Variants in TMEM272 observed in about 807,000 individuals in gnomAD.
The protein encoded by TMEM272 is transmembrane protein 272.
A neutral mutation model predicts 3.7 loss-of-function variants in TMEM272; 8 were observed. That is an observed-to-expected ratio of 2.17 (90% CI 1.27 to 3.91). The LOEUF (loss-of-function observed/expected upper bound fraction) is 3.91, where lower values mean the gene tolerates loss of function less well. TMEM272 is among the 30% of genes most tolerant of loss of function. The pLI is 0.00. For synonymous variants in TMEM272, 63 were observed against 39.8 expected (o/e 1.58, Z -2.20); for missense variants, 166 against 91.5 (o/e 1.81, Z -3.32).
At chr13:51,835,419 G>C (rs1956208445) in intron 2 of TMEM272, among the ~76,000 whole-genome samples, 1 of 151,830 alleles carries the variant, frequency 6.6e-6, no homozygotes, top group Admixed American at 6.6e-5. Flanking sequence ...CTAGAGACGG[G>C]GTTTCACCAT....
At chr13:51,826,135 C>T (rs960365190) in intron 3 of TMEM272, among the ~76,000 whole-genome samples, 1 of 85,068 alleles carries the variant, frequency 1.2e-5, no homozygotes, top group African/African-American at 6.4e-5. Context: ...CTCATTCATT[C>T]AGCAAAAAAA....
rs1167115022 is a variant in TMEM272, at chr13:51,826,014, T to C, written c.118+552A>G. Reference sequence around the variant, plus strand: ...AATTTCACTGACACGTGATAACAATTTTTAGCTACTTAAGGAGCTTCCCCC... The same window carrying C: ...AATTTCACTGACACGTGATAACAATCTTTAGCTACTTAAGGAGCTTCCCCC... On this transcript the variant is annotated intron_variant, in intron 3 of 4. Coordinates refer to ENST00000629372, the MANE Select transcript of TMEM272 (RefSeq NM_001351003.2). 6.6e-5 allele frequency among the ~76,000 whole-genome samples: 10 copies of C among 152,086 alleles called. No homozygotes were observed. The South Asian group carries it at 1.0e-3, about 16-fold the overall frequency.
At chr13:51,863,925 T>G in the TMEM272 span, among the ~76,000 whole-genome samples, 1 of 152,306 alleles carries the variant, frequency 6.6e-6, no homozygotes, top group African/African-American at 2.4e-5. Context: ...CTGACAACAC[T>G]GAGCTCTTTA....
chr13:51,869,783 T>C, the TMEM272 span, among the ~76,000 whole-genome samples: 2 of 152,150 alleles, frequency 1.3e-5, no homozygotes, highest in Non-Finnish European at 2.9e-5. Context: ...CCACCGCGCC[T>C]GGCCTCAATT....
the TMEM272 span, among the ~76,000 whole-genome samples, chr13:51,861,445 C>T: frequency 0.86 from 130,993 of 151,916 alleles, 58,001 homozygotes; most frequent in East Asian, 1. Context: ...GACAAAAATT[C>T]TGGAGTTGAA....
chr13:51,857,294 T>TTCA, the TMEM272 span, among the ~76,000 whole-genome samples: 3 of 151,498 alleles, frequency 2.0e-5, no homozygotes, highest in African/African-American at 7.3e-5. Flanking sequence ...AGTGAGAGAT[T>TTCA]TCATCACAAG....
At chr13:51,910,731 A>C in the TMEM272 span, 1 of 379,234 alleles carries the variant, frequency 2.6e-6, no homozygotes, top group South Asian at 2.2e-5. Flanking sequence ...TGCGCCAGGC[A>C]ACCGGAGCGG....
chr13:51,896,088 T>G, the TMEM272 span, among the ~76,000 whole-genome samples: 1 of 152,174 alleles, frequency 6.6e-6, no homozygotes, highest in Non-Finnish European at 1.5e-5. Context: ...ATTCTATTAG[T>G]GTTCAGCAAA....
chr13:51,900,219 G>A, the TMEM272 span, among the ~76,000 whole-genome samples: 1 of 152,146 alleles, frequency 6.6e-6, no homozygotes, highest in East Asian at 1.9e-4. Context: ...CCACAAAATG[G>A]GAGAAGATAC....
At chr13:51,903,942 C>CGTGTTTGTGTGTGTGTGT in the TMEM272 span, among the ~76,000 whole-genome samples, 1 of 136,552 alleles carries the variant, frequency 7.3e-6, no homozygotes, top group African/African-American at 2.7e-5. Context: ...CAGTCTTCCA[C>CGTGTTTGTGTGTGTGTGT]GTGTGTGTGT....
At chr13:51,914,496 T>C in the TMEM272 span, among the ~76,000 whole-genome samples, 4 of 152,230 alleles carry the variant, frequency 2.6e-5, no homozygotes, top group African/African-American at 9.6e-5. Context: ...GGACAGGGGC[T>C]GGAAGGGACA....
chr13:51,876,053 G>C, the TMEM272 span, among the ~76,000 whole-genome samples: 1 of 152,162 alleles, frequency 6.6e-6, no homozygotes, highest in African/African-American at 2.4e-5. Flanking sequence ...TCACTGACCG[G>C]CTCCTTTTCA....
chr13:51,821,757 G>A (rs907094299), intron 4 of TMEM272, among the ~76,000 whole-genome samples: 1 of 150,114 alleles, frequency 6.7e-6, no homozygotes, highest in Non-Finnish European at 1.5e-5. Context: ...TGAATTCAAT[G>A]GTATAACTGG....
chr13:51,883,736 A>G, the TMEM272 span, among the ~76,000 whole-genome samples: 1 of 152,178 alleles, frequency 6.6e-6, no homozygotes, highest in Non-Finnish European at 1.5e-5. Flanking sequence ...CCAGGGACTC[A>G]TCCCTGTCTG....
At chr13:51,918,125 A>G in the TMEM272 span, among the ~76,000 whole-genome samples, 3 of 152,082 alleles carry the variant, frequency 2.0e-5, no homozygotes, top group South Asian at 2.1e-4. Flanking sequence ...CCTCTTTACC[A>G]TCACAGTTCT....
In TMEM272 at chr13:51,813,391, G is replaced by A. The variant is rs1317526731; in HGVS notation, c.*3360C>T. The stretch of plus-strand genomic sequence containing the variant: ...TTTCATCAACAATGAAAAATGCCCA[G>A]AAGGAAATGAAGCACAAGATTCAGT... On this transcript the variant is annotated 3_prime_UTR_variant, in exon 5 of 5. Coordinates refer to ENST00000629372, the MANE Select transcript of TMEM272 (RefSeq NM_001351003.2). 1 of 397,886 alleles carries A rather than the reference G, an allele frequency of 2.5e-6. No individual in the cohort carries two copies. The highest frequency in any genetic ancestry group is 4.4e-6 in the Non-Finnish European group (1 of 225,710). The allele number at this position is 397,886 out of a possible 1,614,324, so 24.6% of individuals were successfully genotyped here. A position where few individuals can be genotyped will look rare whatever the true frequency, so the allele number is the denominator to read the frequency against.
At chr13:51,855,702 G>C in the TMEM272 span, among the ~76,000 whole-genome samples, 3 of 152,184 alleles carry the variant, frequency 2.0e-5, no homozygotes, top group Non-Finnish European at 4.4e-5. Flanking sequence ...ATGGACTATA[G>C]GACAGTAGAA....
At chr13:51,922,101 C>CA in the TMEM272 span, among the ~76,000 whole-genome samples, 1 of 152,214 alleles carries the variant, frequency 6.6e-6, no homozygotes, top group African/African-American at 2.4e-5. Flanking sequence ...CAGGGAGTGT[C>CA]AGAGGGTGGA....
the TMEM272 span, chr13:51,865,697 T>A: frequency 6.2e-7 from 1 of 1,614,156 alleles, no homozygotes; most frequent in Non-Finnish European, 8.5e-7. Flanking sequence ...GGAAAAATCC[T>A]TCTGGGAAAT....
Sources: gnomAD v4.1 joint callset for allele counts (sites outside exome capture counted in the v4.1 genomes callset) on GRCh38, gnomAD v4.1.1 for gene constraint, MANE v1.5 for transcripts, NCBI Gene and HGNC (gene_info 2026-07-23, HGNC 2026-07-21) for gene names.